The following COL4A2 variants were observed in gnomAD, a reference collection of about 807,000 sequenced individuals.
COL4A2 encodes collagen type IV alpha 2 chain, also known as collagen alpha-2(IV) chain.
Under a neutral mutation model 200.2 loss-of-function variants are expected in COL4A2, and 99 were observed. The observed-to-expected ratio is 0.49, with a 90% CI of 0.42 to 0.58. The LOEUF is 0.58. Ranked by LOEUF, COL4A2 falls within the 20% of genes least tolerant of loss-of-function variation. The pLI, the probability that COL4A2 is intolerant of heterozygous loss-of-function variation, is 0.00. For synonymous variants in COL4A2, 897 were observed against 900.6 expected (o/e 1.00, Z 0.07); for missense variants, 1,950 against 2,314.1 (o/e 0.84, Z 3.23).
In COL4A2 at chr13:110,450,066, T is replaced by C. The variant is rs35926204; in HGVS notation, c.1190-239T>C. 0.11 allele frequency among the ~76,000 whole-genome samples: 16,023 copies of C among 152,188 alleles called. 889 individuals carry two copies. Among genetic ancestry groups the C allele is most frequent in the South Asian group, 0.16 (780 of 4,826 alleles). Reference sequence around the variant, plus strand: ...GGGTTGGGAAGAGAACGGAGAATCATCAGGTGTTGTTGCCCAGTGTTGATC... The same window carrying C: ...GGGTTGGGAAGAGAACGGAGAATCACCAGGTGTTGTTGCCCAGTGTTGATC... On this transcript the variant is annotated intron_variant, in intron 19 of 47. Coordinates refer to ENST00000360467, the MANE Select transcript of COL4A2 (RefSeq NM_001846.4).
intron 4 of COL4A2, among the ~76,000 whole-genome samples, chr13:110,363,189 G>GCATC (rs1422431921): frequency 3.3e-5 from 5 of 152,318 alleles, no homozygotes; most frequent in African/African-American, 1.2e-4. Flanking sequence ...CACTCAGCAT[G>GCATC]CATCCAGGCG....
Position 110,480,326 on chromosome 13 carries a change from A to G in COL4A2, c.2694A>G (p.Gln898=), listed in dbSNP as rs1369658453. ...DRGDAGFTGE[Q]GHPGSPGFKG... The stretch of plus-strand genomic sequence containing the variant: ...GAGATGCTGGCTTCACAGGGGAGCA[A>G]GGCCATCCAGGAAGCCCTGGATTTA... The change falls in exon 31 of 48, where the codon CAA becomes CAG. Residue 898 remains glutamine, a synonymous_variant. Coordinates refer to ENST00000360467, the MANE Select transcript of COL4A2 (RefSeq NM_001846.4). The G allele has an allele frequency of 4.3e-6, 7 of 1,613,840 alleles. No homozygotes were observed. The African/African-American group carries it at 9.3e-5, about 22-fold the overall frequency.
At chr13:110,326,223 T>A (rs1432408590) in intron 3 of COL4A2, among the ~76,000 whole-genome samples, 1 of 152,202 alleles carries the variant, frequency 6.6e-6, no homozygotes, top group African/African-American at 2.4e-5. Context: ...TGAATTTTTT[T>A]ATTGGAAAAT....
At chr13:110,359,767 C>G (rs1337791524) in intron 4 of COL4A2, among the ~76,000 whole-genome samples, 1 of 152,218 alleles carries the variant, frequency 6.6e-6, no homozygotes, top group East Asian at 1.9e-4. Context: ...TTTATAAATA[C>G]TGTCTTCCTA....
Position 110,468,885 on chromosome 13 carries a change from G to A in COL4A2, c.2096-332G>A, listed in dbSNP as rs536320317. On this transcript the variant is annotated intron_variant, in intron 27 of 47. Transcript: ENST00000360467. ...TCCCCACTTTACAGGTGAGGAAACT[G>A]AGGCACAGAAAGTTGTCCACGGTCA... Among the ~76,000 whole-genome samples the A allele has an allele frequency of 9.2e-5, 14 of 152,324 alleles. No individual in the cohort carries two copies. The South Asian group carries it at 2.9e-3, about 32-fold the overall frequency.
At chr13:110,327,333 C>T (rs891686231) in intron 3 of COL4A2, among the ~76,000 whole-genome samples, 4 of 152,364 alleles carry the variant, frequency 2.6e-5, no homozygotes, top group Admixed American at 2.6e-4. Flanking sequence ...CCCAAGAGCT[C>T]AGCACACACA....
chr13:110,469,309 T>A lies in COL4A2; in HGVS notation c.2188T>A (p.Phe730Ile). The A allele has an allele frequency of 6.3e-7, 1 of 1,587,886 alleles. No homozygotes were observed. The highest frequency in any genetic ancestry group is 8.6e-7 in the Non-Finnish European group (1 of 1,167,192). Residue 730 changes from phenylalanine (F) to isoleucine (I), a missense_variant, in exon 28 of 48, where the codon TTC becomes ATC. Phe to Ile is a conservative substitution (Grantham distance 21, BLOSUM62 0). Transcript: ENST00000360467. ...GLPGDAGREGFPGPPGFIGPR... is the reference protein window; with the variant it reads ...GLPGDAGREGIPGPPGFIGPR... ...GCCAGGAGACGCAGGTCGTGAAGGG[T>A]TCCCAGGACCCCCAGGTGAGTTGAG...
chr13:110,373,340 A>C (rs1032765714), intron 4 of COL4A2, among the ~76,000 whole-genome samples: 1 of 152,266 alleles, frequency 6.6e-6, no homozygotes, highest in Non-Finnish European at 1.5e-5. Flanking sequence ...TTGGACCATT[A>C]GTAGCAAGTA....
chr13:110,493,198 G>A lies in COL4A2; in HGVS notation c.3563-13G>A. The A allele has an allele frequency of 6.2e-7, 1 of 1,614,062 alleles. No homozygotes were observed. Among genetic ancestry groups the A allele is most frequent in the South Asian group, 1.1e-5 (1 of 91,086 alleles). The stretch of plus-strand genomic sequence containing the variant: ...GCAGGTGAAATAAATAACGATGAGT[G>A]ACACCCCCGCAGGTTTTCCGGGACT... On this transcript the variant is annotated splice_polypyrimidine_tract_variant and intron_variant, in intron 38 of 47. Transcript: ENST00000360467.
Position 110,457,446 on chromosome 13 carries a change from C to T in COL4A2, c.1432+11C>T, listed in dbSNP as rs1881809509. 6.6e-7 allele frequency: 1 copy of T among 1,512,232 alleles called. No individual in the cohort carries two copies. The highest frequency in any genetic ancestry group is 2.3e-5 in the East Asian group (1 of 44,414). The allele number at this position is 1,512,232 out of a possible 1,614,324, so 93.7% of individuals were successfully genotyped here. A position where few individuals can be genotyped will look rare whatever the true frequency, so the allele number is the denominator to read the frequency against. ...CAAAGGGGTGGAAAGGTAAGAACAT[C>T]TGGGAGGGACGGGATGAGGACAGCC... is the stretch of plus-strand genomic sequence containing the variant. On this transcript the variant is annotated intron_variant, in intron 21 of 47. Transcript: ENST00000360467.
rs766078584 is a variant in COL4A2 at position 110,424,801 on chromosome 13, T to C, written c.248T>C (p.Leu83Pro). 10 of 1,613,680 alleles carry C rather than the reference T, an allele frequency of 6.2e-6. No individual in the cohort carries two copies. In the South Asian group the frequency reaches 8.8e-5, roughly 14 times the overall value. The change falls in exon 5 of 48, where the codon CTG becomes CCG. Residue 83 changes from leucine to proline, a missense_variant. Physicochemically the swap from Leu to Pro is moderately conservative, Grantham distance 98 (BLOSUM62 -3). Transcript: ENST00000360467. ...CCAGGATTACAAGGATTCCCGGGAC[T>C]GCAGGGACGTAAAGGAGACAAGGGT... is the stretch of plus-strand genomic sequence containing the variant. The part of the protein sequence containing the change: ...GPPGLQGFPG[L>P]QGRKGDKGER...
intron 47 of COL4A2, among the ~76,000 whole-genome samples, chr13:110,511,235 G>GAAAA: frequency 7.8e-6 from 1 of 128,488 alleles, no homozygotes; most frequent in Admixed American, 7.4e-5. Flanking sequence ...ACTTTAAAAT[G>GAAAA]AAAAAAAAAA....
chr13:110,386,245 G>A (rs1240128969), intron 4 of COL4A2, among the ~76,000 whole-genome samples: 1 of 152,198 alleles, frequency 6.6e-6, no homozygotes, highest in Admixed American at 6.5e-5. Context: ...GAAACGCTAA[G>A]TAGCTTTCAG....
At chr13:110,421,200 G>A (rs1012744750) in intron 4 of COL4A2, among the ~76,000 whole-genome samples, 1 of 152,200 alleles carries the variant, frequency 6.6e-6, no homozygotes, top group Non-Finnish European at 1.5e-5. Flanking sequence ...TCAAATATGT[G>A]ATACTCGTGC....
At position 110,462,068 on chromosome 13, in the gene COL4A2, C is replaced by T. The variant is rs781492270; in HGVS notation, c.1597-46C>T. On this transcript the variant is annotated intron_variant, in intron 22 of 47. Transcript: ENST00000360467. ...CTTGCCAGCCATCTTCTCAGATGCCCTCACAGTACAAAGAAGGAAGATATT... is the reference window on the plus strand; with the variant it reads ...CTTGCCAGCCATCTTCTCAGATGCCTTCACAGTACAAAGAAGGAAGATATT... 8.1e-6 allele frequency: 13 copies of T among 1,609,286 alleles called. 1 individual carries two copies. In the South Asian group the frequency reaches 1.2e-4, roughly 15 times the overall value.
intron 4 of COL4A2, among the ~76,000 whole-genome samples, chr13:110,361,134 C>G (rs992367151): frequency 2.0e-5 from 3 of 152,216 alleles, no homozygotes; most frequent in Admixed American, 6.5e-5. Flanking sequence ...GACAATTACT[C>G]TCAGGACTGC....
At chr13:110,432,967 G>A (rs1880737417) in intron 11 of COL4A2, among the ~76,000 whole-genome samples, 1 of 152,228 alleles carries the variant, frequency 6.6e-6, no homozygotes, top group East Asian at 1.9e-4. Flanking sequence ...CTGGATAAAT[G>A]TCCAAGACAA....
intron 16 of COL4A2, among the ~76,000 whole-genome samples, chr13:110,443,341 A>G (rs1293615249): frequency 6.6e-6 from 1 of 152,236 alleles, no homozygotes; most frequent in Non-Finnish European, 1.5e-5. Context: ...CACGAGAGAC[A>G]GCAGACTGCT....
intron 24 of COL4A2, among the ~76,000 whole-genome samples, chr13:110,464,039 TG>T (rs371262074): frequency 4.6e-5 from 7 of 151,666 alleles, no homozygotes; most frequent in African/African-American, 1.7e-4. Flanking sequence ...TCATGTGGGG[TG>T]GGGGTGGTGA....
Sources: gnomAD v4.1 joint callset for allele counts (sites outside exome capture counted in the v4.1 genomes callset) on GRCh38, gnomAD v4.1.1 for gene constraint, MANE v1.5 for transcripts, NCBI Gene and HGNC (gene_info 2026-07-23, HGNC 2026-07-21) for gene names.